Variants in ESCO2 observed in about 807,000 individuals in gnomAD.
ESCO2 encodes the protein establishment of sister chromatid cohesion N-acetyltransferase 2, also known as N-acetyltransferase ESCO2.
Under a neutral mutation model 61.7 loss-of-function variants are expected in ESCO2, and 51 were observed. The observed-to-expected ratio is 0.83, with a 90% CI of 0.66 to 1.04. The LOEUF (loss-of-function observed/expected upper bound fraction) is 1.04. Among genes scored for constraint, ESCO2 ranks in the 50% least tolerant of loss-of-function variants. The pLI is 0.00. For synonymous variants in ESCO2, 230 were observed against 238.2 expected, an observed-to-expected ratio of 0.97 and a Z score of 0.32; for missense variants, 692 against 686.2, an observed-to-expected ratio of 1.01 and a Z score of -0.09.
downstream of ESCO2, among the ~76,000 whole-genome samples, chr8:27,814,524 T>C (rs1805773414): frequency 6.6e-6 from 1 of 152,148 alleles, no homozygotes; most frequent in Non-Finnish European, 1.5e-5. Flanking sequence ...TTTCATTGAT[T>C]TCTGCTCATA....
intron 5 of ESCO2, among the ~76,000 whole-genome samples, chr8:27,787,401 G>A (rs932815233): frequency 7.7e-6 from 1 of 130,372 alleles, no homozygotes; most frequent in African/African-American, 2.8e-5. Flanking sequence ...AAATTTAGAA[G>A]CTTCATTGCC....
Position 27,775,540 on chromosome 8 carries a change from G to C in ESCO2, c.26G>C (p.Arg9Thr). 8 of 1,614,152 alleles carry C rather than the reference G, an allele frequency of 5.0e-6. No individual in the cohort carries two copies. Among genetic ancestry groups the C allele is most frequent in the Non-Finnish European group, 4.2e-6 (5 of 1,180,004 alleles). Residue 9 changes from arginine (R) to threonine (T), a missense_variant, in exon 2 of 11, where the codon AGG (arginine) becomes ACG (threonine). By Grantham distance (71) the Arg-to-Thr change is moderately conservative (BLOSUM62 -1). Transcript: ENST00000305188. ...ATGGCAGCTCTTACTCCAAGGAAGA[G>C]GAAGCAGGATTCTTTGAAGTGTGAC... MAALTPRK[R>T]KQDSLKCDSL...
rs189897222 is a variant in ESCO2 at position 27,788,977 on chromosome 8, T to C, written c.1262T>C (p.Val421Ala). 27 of 1,614,062 alleles carry C rather than the reference T, an allele frequency of 1.7e-5. No homozygotes were observed. The East Asian group carries it at 5.6e-4, about 33-fold the overall frequency. ...HHRFLEGIKY[V>A]GWKKERVVAE... ...AGGTTTCTGGAAGGAATCAAATATG[T>C]GGTGAGCCAAAACATAGTCTTTCAG... The change falls in exon 7 of 11, where the codon GTG becomes GCG. Residue 421 changes from valine to alanine, a missense_variant and splice_region_variant. Transcript: ENST00000305188.
intron 1 of ESCO2, 88 bp downstream of exon 1, chr8:27,774,695 G>A (rs2128950456): frequency 6.6e-6 from 1 of 152,574 alleles, no homozygotes; most frequent in East Asian, 1.9e-4. Flanking sequence ...AATGTCACGG[G>A]GAAAGAGCTT....
chr8:27,776,143 A>G (rs558998390), intron 2 of ESCO2, among the ~76,000 whole-genome samples: 1 of 152,216 alleles, frequency 6.6e-6, no homozygotes, highest in East Asian at 1.9e-4. Context: ...CTTTGTATAT[A>G]GTATTTGTTT....
At chr8:27,790,383 A>C (rs1805149842) in intron 7 of ESCO2, among the ~76,000 whole-genome samples, 1 of 152,210 alleles carries the variant, frequency 6.6e-6, no homozygotes, top group South Asian at 2.1e-4. Flanking sequence ...AGAATGCAAA[A>C]GTATATCCAG....
At chr8:27,800,237 A>G (rs753646271) in intron 10 of ESCO2, among the ~76,000 whole-genome samples, 2 of 152,234 alleles carry the variant, frequency 1.3e-5, no homozygotes, top group Non-Finnish European at 2.9e-5. Flanking sequence ...ATAGTTGCAA[A>G]TCATTTGTCT....
At chr8:27,792,484 C>T (rs1361918900) in intron 8 of ESCO2, among the ~76,000 whole-genome samples, 184 bp from the exon 9 acceptor site, 1 of 152,134 alleles carries the variant, frequency 6.6e-6, no homozygotes, top group Non-Finnish European at 1.5e-5. Context: ...GTTCTTAAAA[C>T]CTTGTTTCCA....
At chr8:27,800,388 C>G (rs1171923511) in intron 10 of ESCO2, among the ~76,000 whole-genome samples, 2 of 152,170 alleles carry the variant, frequency 1.3e-5, no homozygotes, top group African/African-American at 4.8e-5. Flanking sequence ...TGCTCAACAT[C>G]TTTATCAGGG....
intron 5 of ESCO2, among the ~76,000 whole-genome samples, chr8:27,785,672 C>T (rs1401090382): frequency 6.6e-6 from 1 of 150,382 alleles, no homozygotes; most frequent in African/African-American, 2.5e-5. Flanking sequence ...TGCACTCCAG[C>T]CTGGGCAACA....
Position 27,802,631 on chromosome 8 carries a change from ATATAT to A in ESCO2, c.1674-674_1674-670del, listed in dbSNP as rs1382905089. 3.8e-3 allele frequency among the ~76,000 whole-genome samples: 149 copies of A among 38,726 alleles called. 6 individuals carry two copies. Among genetic ancestry groups the A allele is most frequent in the African/African-American group, 0.011 (93 of 8,406 alleles). 25.4% of individuals were successfully genotyped at this position (38,726 alleles called of 152,430 possible). A position where few individuals can be genotyped will look rare whatever the true frequency, so the allele number is the denominator to read the frequency against. ...TCAAAAAAAAAAAAAAAAAAAAAAA[ATATAT>A]ATATATATATATATATATATTATAT... On this transcript the variant is annotated intron_variant, in intron 10 of 10. Transcript: ENST00000305188.
At chr8:27,811,541 T>G (rs769364668), downstream of ESCO2, among the ~76,000 whole-genome samples, 1 of 152,114 alleles carries the variant, frequency 6.6e-6, no homozygotes, top group Non-Finnish European at 1.5e-5. Context: ...GAAGTACCAT[T>G]TCTATGCTTC....
chr8:27,777,689 T>C (rs984890102), intron 3 of ESCO2: 1 of 152,448 alleles, frequency 6.6e-6, no homozygotes, highest in Non-Finnish European at 1.5e-5. Context: ...GCTGACCTCC[T>C]GTTTATATCC....
intron 5 of ESCO2, among the ~76,000 whole-genome samples, chr8:27,784,757 C>T (rs1790350716): frequency 6.6e-6 from 1 of 152,170 alleles, no homozygotes. Flanking sequence ...GTCTAAACAT[C>T]CTCTTCCTAA....
At chr8:27,797,407 C>A (rs950940447) in intron 9 of ESCO2, among the ~76,000 whole-genome samples, 1 of 152,056 alleles carries the variant, frequency 6.6e-6, no homozygotes, top group Non-Finnish European at 1.5e-5. Context: ...TGTTCTCTTT[C>A]GGTTTCCATT....
chr8:27,810,933 T>C, downstream of ESCO2: 1 of 1,372,080 alleles, frequency 7.3e-7, no homozygotes, highest in Non-Finnish European at 1.0e-6. Context: ...GAGATTGGGA[T>C]TTATGTTAGA....
In ESCO2 at chr8:27,791,984, G is replaced by A. The variant is rs1020440224; in HGVS notation, c.1285G>A (p.Val429Ile). Residue 429 changes from valine to isoleucine, a missense_variant, in exon 8 of 11, where the codon GTA (valine) becomes ATA (isoleucine). Coordinates refer to ENST00000305188, the MANE Select transcript of ESCO2 (RefSeq NM_001017420.3). Reference protein sequence around the residue: ...KYVGWKKERVVAEFWDGKIVL... With the variant: ...KYVGWKKERVIAEFWDGKIVL... ...GCAGGGTTGGAAGAAAGAACGTGTA[G>A]TAGCAGAGTTTTGGGATGGGAAAAT... The A allele has an allele frequency of 9.9e-6, 16 of 1,613,928 alleles. No homozygotes were observed. The highest frequency in any genetic ancestry group is 1.4e-5 in the Non-Finnish European group (16 of 1,180,002).
At chr8:27,815,607 C>T (rs1021876532), downstream of ESCO2, among the ~76,000 whole-genome samples, 5 of 152,142 alleles carry the variant, frequency 3.3e-5, no homozygotes, top group Non-Finnish European at 7.3e-5. Context: ...TCAGTATATA[C>T]ACGTATATGT....
At chr8:27,786,717 C>T (rs894376793) in intron 5 of ESCO2, among the ~76,000 whole-genome samples, 1 of 150,876 alleles carries the variant, frequency 6.6e-6, no homozygotes, top group East Asian at 1.9e-4. Context: ...AGTTTGAAAA[C>T]TACTTTTCAG....
Sources: allele counts gnomAD v4.1 joint callset (sites outside exome capture counted in the v4.1 genomes callset), GRCh38; gene constraint gnomAD v4.1.1; transcripts MANE v1.5; gene names NCBI Gene and HGNC (gene_info 2026-07-23, HGNC 2026-07-21).